The following WDPCP variants were observed in gnomAD, a reference collection of about 807,000 sequenced individuals.
WDPCP encodes WD repeat containing planar cell polarity effector, also known as WD repeat-containing and planar cell polarity effector protein fritz homolog.
WDPCP carries 71 observed loss-of-function variants against 93.1 expected under a neutral mutation model. That is an observed-to-expected ratio of 0.76 (90% confidence interval 0.63 to 0.93). The LOEUF (loss-of-function observed/expected upper bound fraction) is 0.93, where lower values mean the gene tolerates loss of function less well. WDPCP is among the 40% of genes least tolerant of loss of function. The pLI is 0.00. For synonymous variants in WDPCP, 315 were observed against 315.0 expected (o/e 1.00, Z 0.00); for missense variants, 844 against 887.4 (o/e 0.95, Z 0.62).
intron 2 of WDPCP, among the ~76,000 whole-genome samples, chr2:63,748,331 T>G (rs1225353479): frequency 4.6e-5 from 7 of 151,924 alleles, no homozygotes; most frequent in Non-Finnish European, 1.0e-4. Context: ...TTAGATAAAA[T>G]TATTTGAATA....
chr2:63,265,485 T>C (rs1001784430), intron 13 of WDPCP, among the ~76,000 whole-genome samples: 6 of 151,738 alleles, frequency 4.0e-5, no homozygotes, highest in African/African-American at 1.5e-4. Flanking sequence ...AAGAAAGAAA[T>C]AGAAAACCTG....
chr2:63,754,140 A>G (rs1346493884), intron 2 of WDPCP, among the ~76,000 whole-genome samples: 1 of 152,246 alleles, frequency 6.6e-6, no homozygotes, highest in Non-Finnish European at 1.5e-5. Flanking sequence ...CTTTTATGCC[A>G]TCATGTCAGT....
chr2:63,793,315 G>C (rs997280288), intron 2 of WDPCP, among the ~76,000 whole-genome samples: 1 of 152,144 alleles, frequency 6.6e-6, no homozygotes, highest in South Asian at 2.1e-4. Flanking sequence ...TTTCCAAAAT[G>C]ATTGAAATGA....
At chr2:63,820,993 CAT>C (rs938651004) in intron 1 of WDPCP, among the ~76,000 whole-genome samples, 2 of 152,116 alleles carry the variant, frequency 1.3e-5, no homozygotes, top group African/African-American at 4.8e-5. Context: ...TGAAAATCTA[CAT>C]AGTCAATATT....
chr2:63,344,273 T>A (rs1488261447), intron 12 of WDPCP, among the ~76,000 whole-genome samples: 1 of 152,186 alleles, frequency 6.6e-6, no homozygotes, highest in Admixed American at 6.5e-5. Context: ...CTCCATTTCA[T>A]TATCTCTGTC....
At chr2:63,154,805 C>G (rs1288084809) in intron 15 of WDPCP, among the ~76,000 whole-genome samples, 1 of 152,086 alleles carries the variant, frequency 6.6e-6, no homozygotes, top group African/African-American at 2.4e-5. Flanking sequence ...CTCACCAGCA[C>G]CTGGAATTGT....
At chr2:63,143,652 A>G (rs979793533) in intron 17 of WDPCP, among the ~76,000 whole-genome samples, 4 of 152,206 alleles carry the variant, frequency 2.6e-5, no homozygotes, top group African/African-American at 4.8e-5. Context: ...AAATTCTGTC[A>G]GCATTTGTTT....
chr2:63,783,397 G>A (rs1323741553), intron 2 of WDPCP, among the ~76,000 whole-genome samples: 2 of 151,996 alleles, frequency 1.3e-5, no homozygotes, highest in Non-Finnish European at 2.9e-5. Flanking sequence ...CACAGTCTGG[G>A]AAACAGAGGA....
intron 2 of WDPCP, among the ~76,000 whole-genome samples, chr2:63,758,550 C>T (rs1189116969): frequency 6.6e-6 from 1 of 151,996 alleles, no homozygotes; most frequent in African/African-American, 2.4e-5. Context: ...GTGATCCTCC[C>T]ACTTCAGCCT....
intron 1 of WDPCP, among the ~76,000 whole-genome samples, chr2:63,568,582 C>T (rs1332909621): frequency 6.6e-6 from 1 of 152,186 alleles, no homozygotes. Flanking sequence ...GTACACCAAA[C>T]AAAGGAGACA....
intron 9 of WDPCP, among the ~76,000 whole-genome samples, chr2:63,408,874 C>T (rs1178276687): frequency 6.6e-6 from 1 of 152,144 alleles, no homozygotes; most frequent in Non-Finnish European, 1.5e-5. Flanking sequence ...ACCCCCATCC[C>T]CCACAGCAGC....
intron 3 of WDPCP, among the ~76,000 whole-genome samples, chr2:63,631,652 GATA>G (rs1467946333): frequency 6.6e-6 from 1 of 152,164 alleles, no homozygotes; most frequent in African/African-American, 2.4e-5. Flanking sequence ...AGCAAAAAAA[GATA>G]ATAACCATAC....
intron 2 of WDPCP, among the ~76,000 whole-genome samples, chr2:63,715,864 G>T (rs1669330100): frequency 6.6e-6 from 1 of 152,212 alleles, no homozygotes; most frequent in East Asian, 1.9e-4. Context: ...CCTAGACCCA[G>T]TGAGGGCTAG....
chr2:63,265,860 A>G (rs960604594), intron 13 of WDPCP, among the ~76,000 whole-genome samples: 2 of 152,226 alleles, frequency 1.3e-5, no homozygotes, highest in African/African-American at 4.8e-5. Flanking sequence ...GGTTCAACAT[A>G]TATAAATCAA....
intron 1 of WDPCP, among the ~76,000 whole-genome samples, chr2:63,550,222 CACACACACACACACACA>C (rs1705495745): frequency 5.3e-5 from 8 of 151,358 alleles, no homozygotes; most frequent in African/African-American, 1.7e-4. Context: ...CACACACACA[CACACACACACACACACA>C]CCCTTCCTCT....
At chr2:63,726,356 GTAA>G (rs1669497484) in intron 2 of WDPCP, among the ~76,000 whole-genome samples, 4 of 138,278 alleles carry the variant, frequency 2.9e-5, no homozygotes, top group Admixed American at 1.4e-4. Context: ...TTAGACAGTT[GTAA>G]GTGTGTGGCT....
intron 2 of WDPCP, among the ~76,000 whole-genome samples, chr2:63,715,222 T>C (rs1322133478): frequency 6.6e-6 from 1 of 152,234 alleles, no homozygotes; most frequent in Non-Finnish European, 1.5e-5. Flanking sequence ...AGTTGCAAAA[T>C]ATTGTGAATA....
At chr2:63,530,463 T>C (rs1703742107) in intron 1 of WDPCP, among the ~76,000 whole-genome samples, 1 of 151,350 alleles carries the variant, frequency 6.6e-6, no homozygotes, top group Non-Finnish European at 1.5e-5. Context: ...TTATGTACGG[T>C]ATAAAAGACT....
intron 10 of WDPCP, among the ~76,000 whole-genome samples, chr2:63,383,534 G>T (rs1415137852): frequency 6.6e-6 from 1 of 152,118 alleles, no homozygotes; most frequent in African/African-American, 2.4e-5. Flanking sequence ...GGCAAACATG[G>T]CAAAACAGTC....
Sources: gnomAD v4.1 joint callset for allele counts (sites outside exome capture counted in the v4.1 genomes callset) on GRCh38, gnomAD v4.1.1 for gene constraint, MANE v1.5 for transcripts, NCBI Gene and HGNC (gene_info 2026-07-23, HGNC 2026-07-21) for gene names.